The following ADAMTS7 variants were observed in gnomAD, a reference collection of about 807,000 sequenced individuals.
The protein encoded by ADAMTS7 is A disintegrin and metalloproteinase with thrombospondin motifs 7.
ADAMTS7 carries 89 observed loss-of-function variants against 172.6 expected under a neutral mutation model. The observed-to-expected ratio is 0.52, with a 90% CI of 0.43 to 0.61. ADAMTS7 has a LOEUF of 0.61. ADAMTS7 is among the 20% of genes least tolerant of loss of function. The probability of loss-of-function intolerance (pLI) is 0.00; values close to 1 mark genes in which losing one functional copy is unlikely to be tolerated. For missense variants in ADAMTS7, 1,973 were observed against 2,355.6 expected, an observed-to-expected ratio of 0.84 and a Z score of 3.36; for synonymous variants, 885 against 978.4, an observed-to-expected ratio of 0.90 and a Z score of 1.78.
chr15:78,769,290 G>A (rs2055208688), intron 16 of ADAMTS7, among the ~76,000 whole-genome samples: 1 of 152,166 alleles, frequency 6.6e-6, no homozygotes, highest in African/African-American at 2.4e-5. Flanking sequence ...CCCCTCTGCT[G>A]GTGGCTCTGC....
Position 78,800,524 on chromosome 15 carries a change from C to A in ADAMTS7, c.124G>T (p.Ala42Ser). 1 of 1,601,706 alleles carries A rather than the reference C, an allele frequency of 6.2e-7. No homozygotes were observed. The highest frequency in any genetic ancestry group is 8.5e-7 in the Non-Finnish European group (1 of 1,174,728). The change falls in exon 2 of 24, where the codon GCA (alanine) becomes TCA (serine). Residue 42 changes from alanine (A) to serine (S), a missense_variant. Physicochemically the swap from Ala to Ser is moderately conservative, Grantham distance 99. This residue lies in a region of ADAMTS7 where 306 missense variants were observed against 288.0 expected (regional missense o/e 1.06). Transcript: ENST00000388820. Reference protein sequence around the residue: ...APGRATEGRAALDIVHPVRVD... With the variant: ...APGRATEGRASLDIVHPVRVD... ...CGAACCGGGTGCACGATGTCCAGTGCCGCCCGGCCCTCGGTTGCACGTCCT... is the reference window on the plus strand; with the variant it reads ...CGAACCGGGTGCACGATGTCCAGTGACGCCCGGCCCTCGGTTGCACGTCCT...
At chr15:78,782,571 C>T (rs1324675191) in intron 8 of ADAMTS7, among the ~76,000 whole-genome samples, 2 of 152,120 alleles carry the variant, frequency 1.3e-5, no homozygotes, top group Admixed American at 6.5e-5. Context: ...AGGAAATAAA[C>T]AAGGCATAAA....
chr15:78,792,658 C>T (rs1458122490), intron 4 of ADAMTS7, among the ~76,000 whole-genome samples: 2 of 152,128 alleles, frequency 1.3e-5, no homozygotes, highest in Non-Finnish European at 2.9e-5. Flanking sequence ...ACTAAAAATA[C>T]AAAAATTAGC....
rs2055112066 is a variant in ADAMTS7, at chr15:78,764,706, C to T, written c.4268G>A (p.Cys1423Tyr). Residue 1423 changes from cysteine to tyrosine, a missense_variant and splice_region_variant, in exon 20 of 24, where the codon TGC becomes TAC. Coordinates refer to ENST00000388820, the MANE Select transcript of ADAMTS7 (RefSeq NM_014272.5). ...CGCACCCAGGCCACAGGTGGTAGAG[C>T]ACTGCGGGGCAGAGACCCGTGAAAG... The part of the protein sequence containing the change: ...AGWQAGNWSE[C>Y]STTCGLGAVW... The T allele has an allele frequency of 6.6e-7, 1 of 1,513,268 alleles. No individual in the cohort carries two copies. The highest frequency in any genetic ancestry group is 2.4e-5 in the East Asian group (1 of 42,390). The allele number at this position is 1,513,268 out of a possible 1,614,324, so 93.7% of individuals were successfully genotyped here. A position where few individuals can be genotyped will look rare whatever the true frequency, so the allele number is the denominator to read the frequency against.
chr15:78,770,947 G>A (rs142101567), intron 16 of ADAMTS7: 19 of 633,142 alleles, frequency 3.0e-5, no homozygotes, highest in African/African-American at 1.1e-4. Flanking sequence ...AACATGCGCC[G>A]CGAGCCAGCA....
chr15:78,808,832 T>TG (rs2055830064), intron 1 of ADAMTS7, among the ~76,000 whole-genome samples: 1 of 152,222 alleles, frequency 6.6e-6, no homozygotes, highest in Non-Finnish European at 1.5e-5. Context: ...AAATCTATTC[T>TG]GCCAAGTCAG....
chr15:78,774,030 C>T, intron 13 of ADAMTS7, 137 bp downstream of exon 13: 7 of 1,385,422 alleles, frequency 5.1e-6, no homozygotes, highest in Non-Finnish European at 5.8e-6. Context: ...CGAGGAGGAC[C>T]AGGAGGGACC....
At chr15:78,787,416 C>A (rs1049489799) in intron 8 of ADAMTS7, among the ~76,000 whole-genome samples, 3 of 149,940 alleles carry the variant, frequency 2.0e-5, no homozygotes, top group African/African-American at 7.4e-5. Context: ...GTAATTCCAG[C>A]ACTCTGGGAG....
At chr15:78,785,952 GT>G (rs1220120945) in intron 8 of ADAMTS7, among the ~76,000 whole-genome samples, 4 of 150,680 alleles carry the variant, frequency 2.7e-5, no homozygotes, top group Non-Finnish European at 5.9e-5. Flanking sequence ...TTGAGACGGA[GT>G]TTTTTTGCTC....
intron 1 of ADAMTS7, among the ~76,000 whole-genome samples, chr15:78,804,718 G>C (rs1425631659): frequency 6.6e-6 from 1 of 152,198 alleles, no homozygotes; most frequent in African/African-American, 2.4e-5. Context: ...TGAGAGTCAA[G>C]AGACTGGGTA....
chr15:78,777,087 C>A (rs2055358592), intron 9 of ADAMTS7: 1 of 569,708 alleles, frequency 1.8e-6, no homozygotes, highest in Admixed American at 3.1e-5. Context: ...CCCGGCCCAG[C>A]CCCTCCTCTG....
chr15:78,775,860 C>T lies in ADAMTS7; in HGVS notation c.1706+328G>A, dbSNP rs553461743. On this transcript the variant is annotated intron_variant, in intron 11 of 23. Transcript: ENST00000388820. ...TGAAGAGGAGATTCGAACCCTGAGCCATCTAAGGTCCAGGGCCCATGCTCT... is the reference window on the plus strand; with the variant it reads ...TGAAGAGGAGATTCGAACCCTGAGCTATCTAAGGTCCAGGGCCCATGCTCT... Among the ~76,000 whole-genome samples the T allele has an allele frequency of 1.6e-3, 237 of 152,296 alleles. 2 individuals are homozygous for T. In the South Asian group the frequency reaches 0.016, roughly 10 times the overall value.
In ADAMTS7 at chr15:78,771,836, G is replaced by A. The variant is rs147648797; in HGVS notation, c.2132-7C>T. ...AGCCCCACATCCACATACCCTGTCAGCCAAGGGTTGTGCATAGGTTGTGCC... is the reference window on the plus strand; with the variant it reads ...AGCCCCACATCCACATACCCTGTCAACCAAGGGTTGTGCATAGGTTGTGCC... On this transcript the variant is annotated splice_polypyrimidine_tract_variant and splice_region_variant and intron_variant, in intron 14 of 23. Coordinates refer to ENST00000388820, the MANE Select transcript of ADAMTS7 (RefSeq NM_014272.5). The surrounding 1 kb of genome is among the most constrained non-coding windows in gnomAD (Gnocchi z 4.9). 1.6e-4 allele frequency: 262 copies of A among 1,608,392 alleles called. 1 individual carries two copies. In the African/African-American group the frequency reaches 3.2e-3, roughly 20 times the overall value.
intron 13 of ADAMTS7, 140 bp downstream of exon 13, chr15:78,774,027 G>A (rs1217555675): frequency 2.0e-5 from 27 of 1,355,734 alleles, no homozygotes; most frequent in Middle Eastern, 2.6e-4. Context: ...GCCCGAGGAG[G>A]ACCAGGAGGG....
At chr15:78,795,545 T>C (rs757777100) in intron 4 of ADAMTS7, among the ~76,000 whole-genome samples, 1 of 152,144 alleles carries the variant, frequency 6.6e-6, no homozygotes, top group Non-Finnish European at 1.5e-5. Context: ...CACTGCATGA[T>C]CTCAGAGGGT....
intron 9 of ADAMTS7, 112 bp from the exon 10 acceptor site, chr15:78,776,953 G>T (rs1252903935): frequency 6.1e-6 from 5 of 823,796 alleles, no homozygotes; most frequent in African/African-American, 1.7e-5. Context: ...ACATGGCAGG[G>T]GCCCACAGAC....
intron 20 of ADAMTS7, 147 bp downstream of exon 20, chr15:78,764,408 A>G: frequency 1.7e-6 from 2 of 1,157,446 alleles, no homozygotes; most frequent in Non-Finnish European, 2.4e-6. Flanking sequence ...AAGACTCCCA[A>G]GAGATTCAGA....
chr15:78,778,760 C>T (rs189885055), intron 8 of ADAMTS7, among the ~76,000 whole-genome samples: 366 of 152,248 alleles, frequency 2.4e-3, no homozygotes, highest in African/African-American at 8.6e-3. Context: ...GGCGCCAGGA[C>T]AGAGGGTCAG....
At chr15:78,805,247 T>G (rs1388461699) in intron 1 of ADAMTS7, among the ~76,000 whole-genome samples, 1 of 152,264 alleles carries the variant, frequency 6.6e-6, no homozygotes, top group East Asian at 1.9e-4. Flanking sequence ...AACCACAGCG[T>G]GCAGATTTGC....
Sources: allele counts gnomAD v4.1 joint callset (sites outside exome capture counted in the v4.1 genomes callset), GRCh38; gene constraint gnomAD v4.1.1; regional missense constraint gnomAD v4.1.1; non-coding constraint Gnocchi (gnomAD v3.1); transcripts MANE v1.5; gene names NCBI Gene and HGNC (gene_info 2026-07-23, HGNC 2026-07-21).